Variants in GALNT2 observed in about 807,000 individuals in gnomAD.
The protein encoded by GALNT2 is UDP-GalNAc:polypeptide N-acetylgalactosaminyltransferase 2.
In GALNT2, 31 loss-of-function variants were observed where a neutral mutation model predicts 81.4. That is an observed-to-expected ratio of 0.38 (90% CI 0.29 to 0.51). The LOEUF (loss-of-function observed/expected upper bound fraction) is 0.51. Ranked by LOEUF, GALNT2 falls within the 20% of genes least tolerant of loss-of-function variation. The probability of loss-of-function intolerance (pLI) is 0.87; values close to 1 mark genes in which losing one functional copy is unlikely to be tolerated. For synonymous variants in GALNT2, 303 were observed against 287.4 expected (o/e 1.05, Z -0.55); for missense variants, 629 against 765.7 (o/e 0.82, Z 2.11).
intron 3 of GALNT2, among the ~76,000 whole-genome samples, chr1:230,212,946 G>A (rs562117988): frequency 2.0e-5 from 3 of 152,118 alleles, no homozygotes; most frequent in East Asian, 1.9e-4. Context: ...TAGAGATTTC[G>A]TTTGTGTCGA....
intron 3 of GALNT2, among the ~76,000 whole-genome samples, chr1:230,227,982 C>G (rs188680775): frequency 6.6e-6 from 1 of 152,246 alleles, no homozygotes; most frequent in African/African-American, 2.4e-5. Context: ...TGCAAACTGA[C>G]TATCAGAACA....
intron 13 of GALNT2, chr1:230,263,252 C>T: frequency 2.0e-6 from 1 of 493,962 alleles, no homozygotes; most frequent in Non-Finnish European, 3.6e-6. Context: ...GTCCCCCGGG[C>T]CTCACCTTGT....
At chr1:230,269,419 C>G (rs1324568147) in intron 14 of GALNT2, among the ~76,000 whole-genome samples, 1 of 152,088 alleles carries the variant, frequency 6.6e-6, no homozygotes, top group Non-Finnish European at 1.5e-5. Flanking sequence ...CTCGTGACCT[C>G]AAGTGATCCA....
In GALNT2 at chr1:230,118,106, A is replaced by G. The variant is rs377106299; in HGVS notation, c.126+50700A>G. ...AATCATTCAGTATGTAGCCTTTTCA[A>G]ATTGGCTTCTTTCACTTAGTCCTAT... On this transcript the variant is annotated intron_variant, in intron 1 of 15. Coordinates refer to ENST00000366672, the MANE Select transcript of GALNT2 (RefSeq NM_004481.5). Among the ~76,000 whole-genome samples, 34 of 152,302 alleles carry G rather than the reference A, an allele frequency of 2.2e-4. No homozygotes were observed. The South Asian group carries it at 2.7e-3, about 12-fold the overall frequency.
intron 1 of GALNT2, among the ~76,000 whole-genome samples, chr1:230,077,990 T>C (rs1156982203): frequency 1.3e-5 from 2 of 152,222 alleles, no homozygotes; most frequent in African/African-American, 4.8e-5. Context: ...ATGTGGATGA[T>C]TGAGCATGGG....
At position 230,280,479 on chromosome 1, in the gene GALNT2, C is replaced by T. The variant is rs375999630; in HGVS notation, c.*1021C>T. On this transcript the variant is annotated 3_prime_UTR_variant, in exon 16 of 16. Transcript: ENST00000366672. The stretch of plus-strand genomic sequence containing the variant: ...ACATACCCCATAGCTCTGTGTGAGC[C>T]AGCAATACCGCTGCCCCCTGGCGAC... The T allele has an allele frequency of 8.0e-5, 13 of 162,012 alleles. No homozygotes were observed. The East Asian group carries it at 1.7e-3, about 21-fold the overall frequency. 10.0% of individuals were successfully genotyped at this position (162,012 alleles called of 1,614,324 possible). A position where few individuals can be genotyped will look rare whatever the true frequency, so the allele number is the denominator to read the frequency against.
intron 3 of GALNT2, among the ~76,000 whole-genome samples, chr1:230,214,326 G>A (rs1025030099): frequency 6.6e-6 from 1 of 152,042 alleles, no homozygotes; most frequent in Non-Finnish European, 1.5e-5. Context: ...TGGCCAGGCC[G>A]GTCTTGAACT....
At chr1:230,100,940 C>T (rs996101119) in intron 1 of GALNT2, among the ~76,000 whole-genome samples, 7 of 152,104 alleles carry the variant, frequency 4.6e-5, no homozygotes, top group East Asian at 1.9e-4. Context: ...ACAGTGGTCC[C>T]GTAAGATTAT....
At chr1:230,147,393 G>A (rs1282308045) in intron 1 of GALNT2, among the ~76,000 whole-genome samples, 1 of 152,176 alleles carries the variant, frequency 6.6e-6, no homozygotes, top group African/African-American at 2.4e-5. Flanking sequence ...GTTAAGGTGT[G>A]GGTTTGCCTA....
intron 1 of GALNT2, among the ~76,000 whole-genome samples, chr1:230,167,730 G>A (rs944192846): frequency 3.9e-5 from 6 of 152,104 alleles, no homozygotes; most frequent in Admixed American, 3.3e-4. Flanking sequence ...AGCAGCACGG[G>A]TGTGAAATGT....
At chr1:230,075,905 G>A (rs1028839438) in intron 1 of GALNT2, among the ~76,000 whole-genome samples, 5 of 152,158 alleles carry the variant, frequency 3.3e-5, no homozygotes, top group African/African-American at 1.2e-4. Context: ...TTCAGAGGTA[G>A]CCCCTGGTTT....
chr1:230,164,560 G>C (rs1662542244), intron 1 of GALNT2, among the ~76,000 whole-genome samples: 1 of 150,966 alleles, frequency 6.6e-6, no homozygotes, highest in Non-Finnish European at 1.5e-5. Context: ...TTTTTAGACG[G>C]AGTCACTCTG....
At position 230,243,006 on chromosome 1, in the gene GALNT2, G is replaced by T. The variant is rs1665246025; in HGVS notation, c.608-300G>T. ...GTGTCAGAGGAATGTAGTTATAAAA[G>T]TTCCACATTTTGGTTAGTTGATAAA... is the stretch of plus-strand genomic sequence containing the variant. On this transcript the variant is annotated intron_variant, in intron 6 of 15. Transcript: ENST00000366672. The surrounding 1 kb of genome is among the most constrained non-coding windows in gnomAD (Gnocchi z 4.2). Among the ~76,000 whole-genome samples the T allele has an allele frequency of 6.6e-6, 1 of 152,162 alleles. No individual in the cohort carries two copies. The highest frequency in any genetic ancestry group is 1.5e-5 in the Non-Finnish European group (1 of 68,034).
At chr1:230,066,794 C>G (rs1209882380), upstream of GALNT2, among the ~76,000 whole-genome samples, 1 of 152,172 alleles carries the variant, frequency 6.6e-6, no homozygotes, top group Non-Finnish European at 1.5e-5. Context: ...TGTGCGTGAG[C>G]AAGGCTCTTT....
At chr1:230,252,065 C>T (rs1052252485) in intron 10 of GALNT2, among the ~76,000 whole-genome samples, 8 of 152,164 alleles carry the variant, frequency 5.3e-5, no homozygotes, top group East Asian at 1.9e-4. Flanking sequence ...TCTGTCCCTC[C>T]GTGAGGGGCT....
At chr1:230,083,770 T>A (rs1038244210) in intron 1 of GALNT2, among the ~76,000 whole-genome samples, 2 of 152,148 alleles carry the variant, frequency 1.3e-5, no homozygotes, top group African/African-American at 4.8e-5. Flanking sequence ...CTGTTTTTAC[T>A]TGGAGTATCT....
intron 1 of GALNT2, among the ~76,000 whole-genome samples, chr1:230,160,365 A>G (rs1662392829): frequency 1.3e-5 from 2 of 152,060 alleles, no homozygotes; most frequent in South Asian, 2.1e-4. Context: ...ATCACACACC[A>G]TGCCTTGCAC....
chr1:230,076,786 G>A (rs11122275), intron 1 of GALNT2, among the ~76,000 whole-genome samples: 20,214 of 152,126 alleles, frequency 0.13, 1,642 homozygotes, highest in East Asian at 0.2. Context: ...GTTAGGCACC[G>A]TGCGTCCAGT....
intron 8 of GALNT2, among the ~76,000 whole-genome samples, chr1:230,248,605 G>T (rs1000341969): frequency 6.6e-6 from 1 of 152,188 alleles, no homozygotes; most frequent in African/African-American, 2.4e-5. Context: ...AAATATATCT[G>T]AAATTGAAGC....
Sources: gnomAD v4.1 joint callset for allele counts (sites outside exome capture counted in the v4.1 genomes callset) on GRCh38, gnomAD v4.1.1 for gene constraint, Gnocchi (gnomAD v3.1) non-coding constraint, MANE v1.5 for transcripts, NCBI Gene and HGNC (gene_info 2026-07-23, HGNC 2026-07-21) for gene names.